CTNNA2: variants seen among roughly 807,000 people sequenced by gnomAD.
CTNNA2 encodes catenin alpha 2.
In CTNNA2, 42 loss-of-function variants were observed where a neutral mutation model predicts 101.0. The ratio of observed to expected loss-of-function variants is 0.42; its 90% CI spans 0.32 to 0.54. CTNNA2 has a LOEUF of 0.54. Ranked by LOEUF, CTNNA2 falls within the 20% of genes least tolerant of loss-of-function variation. The pLI is 0.14. For missense variants in CTNNA2, 871 were observed against 1,223.1 expected (o/e 0.71, Z 4.29); for synonymous variants, 450 against 456.4 (o/e 0.99, Z 0.18).
At chr2:79,645,145 G>A (rs1680724799) in intron 1 of CTNNA2, among the ~76,000 whole-genome samples, 1 of 151,910 alleles carries the variant, frequency 6.6e-6, no homozygotes, top group Admixed American at 6.6e-5. Context: ...ACCATGCCTG[G>A]CTAATTTTTG....
At chr2:79,206,498 T>C (rs932436938) in intron 2 of CTNNA2, among the ~76,000 whole-genome samples, 1 of 152,216 alleles carries the variant, frequency 6.6e-6, no homozygotes, top group African/African-American at 2.4e-5. Flanking sequence ...TTTGGCTCTC[T>C]TCCCTCACAC....
At chr2:79,228,030 G>A (rs1261289974) in intron 2 of CTNNA2, among the ~76,000 whole-genome samples, 1 of 152,158 alleles carries the variant, frequency 6.6e-6, no homozygotes, top group Non-Finnish European at 1.5e-5. Context: ...GAGTTAGATT[G>A]TTTAGGCTAA....
At chr2:79,772,656 A>G (rs115370178) in intron 3 of CTNNA2, among the ~76,000 whole-genome samples, 2,122 of 152,240 alleles carry the variant, frequency 0.014, 59 homozygotes, top group African/African-American at 0.048. Flanking sequence ...CACTGCAGCC[A>G]TGAACTACTG....
intron 7 of CTNNA2, among the ~76,000 whole-genome samples, chr2:79,975,046 T>C (rs903153650): frequency 7.9e-5 from 12 of 152,106 alleles, no homozygotes; most frequent in African/African-American, 2.4e-4. Flanking sequence ...ACACGGTGAA[T>C]GAGGAGGAGG....
rs1362540479 is a variant in CTNNA2 at position 79,563,179 on chromosome 2, ATATATATATT to A, written c.-6+49974_-6+49983del. The stretch of plus-strand genomic sequence containing the variant: ...AAGATGTGTATATATATATATATAT[ATATATATATT>A]TTCCTTCATTCTCTCAGTACTATTT... On this transcript the variant is annotated intron_variant, in intron 1 of 18. Transcript: ENST00000402739. 1.5e-4 allele frequency among the ~76,000 whole-genome samples: 14 copies of A among 95,206 alleles called. 1 individual carries two copies. The highest frequency in any genetic ancestry group is 3.4e-4 in the South Asian group (1 of 2,934). 62.5% of individuals were successfully genotyped at this position (95,206 alleles called of 152,430 possible).
chr2:80,298,880 G>A (rs1245181306), intron 7 of CTNNA2: 1 of 152,184 alleles, frequency 6.6e-6, no homozygotes, highest in Non-Finnish European at 1.5e-5. Context: ...GAGCATCAGG[G>A]ACTGCCTATT....
chr2:79,382,749 G>C (rs756420959), intron 4 of CTNNA2, among the ~76,000 whole-genome samples: 3 of 152,140 alleles, frequency 2.0e-5, no homozygotes, highest in Non-Finnish European at 4.4e-5. Flanking sequence ...GAGTAGCTGG[G>C]ACTACACGTG....
chr2:79,713,677 G>A (rs1386233699), intron 2 of CTNNA2, among the ~76,000 whole-genome samples: 1 of 152,136 alleles, frequency 6.6e-6, no homozygotes, highest in Non-Finnish European at 1.5e-5. Context: ...GGCACCAATA[G>A]AAAGGTAAGC....
chr2:79,241,678 A>T (rs899965225), intron 2 of CTNNA2, among the ~76,000 whole-genome samples: 1 of 152,216 alleles, frequency 6.6e-6, no homozygotes, highest in Non-Finnish European at 1.5e-5. Flanking sequence ...AAAAGTTTCT[A>T]TCCAATTGAA....
chr2:79,997,107 A>G (rs931174938), intron 7 of CTNNA2, among the ~76,000 whole-genome samples: 1 of 152,106 alleles, frequency 6.6e-6, no homozygotes, highest in Non-Finnish European at 1.5e-5. Context: ...CTCTTCCTTT[A>G]TAAGTCTCTT....
chr2:79,500,965 C>G (rs1226776607), intron 4 of CTNNA2: 1 of 152,166 alleles, frequency 6.6e-6, no homozygotes, highest in Non-Finnish European at 1.5e-5. Context: ...ATGAAGCAGC[C>G]ACTGTCAGCA....
chr2:79,845,397 A>G (rs574720286), intron 3 of CTNNA2, among the ~76,000 whole-genome samples: 15 of 152,216 alleles, frequency 9.9e-5, no homozygotes, highest in Admixed American at 2.6e-4. Context: ...GATGAATGAA[A>G]TGATATATAA....
intron 9 of CTNNA2, among the ~76,000 whole-genome samples, chr2:80,521,581 G>A (rs1689551899): frequency 6.6e-6 from 1 of 152,150 alleles, no homozygotes; most frequent in Non-Finnish European, 1.5e-5. Flanking sequence ...GAGGGAGGCA[G>A]GAGAGTTAGA....
intron 7 of CTNNA2, among the ~76,000 whole-genome samples, chr2:80,067,833 G>A (rs777514886): frequency 9.2e-5 from 14 of 152,208 alleles, no homozygotes; most frequent in African/African-American, 3.1e-4. Context: ...AGATCCTAAG[G>A]CCTCTTGTCA....
At chr2:79,186,616 G>C (rs1673781994) in intron 1 of CTNNA2, among the ~76,000 whole-genome samples, 2 of 152,188 alleles carry the variant, frequency 1.3e-5, no homozygotes, top group South Asian at 4.1e-4. Context: ...CCTGTATCCA[G>C]GGCCACAGCC....
At chr2:80,298,621 A>T (rs1302645832) in intron 7 of CTNNA2, 1 of 152,258 alleles carries the variant, frequency 6.6e-6, no homozygotes, top group Non-Finnish European at 1.5e-5. Context: ...CCCTCTGATT[A>T]CTTACATATA....
chr2:79,792,126 T>C (rs148390030), intron 3 of CTNNA2, among the ~76,000 whole-genome samples: 2,807 of 152,304 alleles, frequency 0.018, 43 homozygotes, highest in Middle Eastern at 0.099. Context: ...TCTGGAAATA[T>C]AGCCGTGTAG....
At chr2:80,440,969 A>G (rs1265223851) in intron 9 of CTNNA2, among the ~76,000 whole-genome samples, 2 of 152,172 alleles carry the variant, frequency 1.3e-5, no homozygotes, top group Non-Finnish European at 2.9e-5. Flanking sequence ...TCTCTGCAAG[A>G]CTGATGAAGC....
intron 7 of CTNNA2, among the ~76,000 whole-genome samples, chr2:79,956,852 T>TTTTTTTG (rs1689268165): frequency 6.9e-6 from 1 of 143,960 alleles, no homozygotes; most frequent in African/African-American, 2.6e-5. Flanking sequence ...GGTTTTTTTT[T>TTTTTTTG]TTTTTTTTTT....
Sources: allele counts gnomAD v4.1 joint callset (sites outside exome capture counted in the v4.1 genomes callset), GRCh38; gene constraint gnomAD v4.1.1; transcripts MANE v1.5; gene names NCBI Gene and HGNC (gene_info 2026-07-23, HGNC 2026-07-21).